The following KMT2D variants were observed in gnomAD, a reference collection of about 807,000 sequenced individuals.
The protein encoded by KMT2D is histone-lysine N-methyltransferase 2D.
KMT2D carries 55 observed loss-of-function variants against 512.7 expected under a neutral mutation model. That is an observed-to-expected ratio of 0.11 (90% CI 0.09 to 0.13). The LOEUF (loss-of-function observed/expected upper bound fraction) is 0.13, where lower values mean the gene tolerates loss of function less well. Among genes scored for constraint, KMT2D ranks in the 10% least tolerant of loss-of-function variants. KMT2D has a pLI of 1.00. For missense variants in KMT2D, 6,061 were observed against 7,127.9 expected, an observed-to-expected ratio of 0.85 and a Z score of 5.39; for synonymous variants, 2,995 against 2,904.0, an observed-to-expected ratio of 1.03 and a Z score of -1.01.
At position 49,049,213 on chromosome 12, in the gene KMT2D, G is replaced by A. The variant is rs2120632367; in HGVS notation, c.3912C>T (p.Arg1304=). Residue 1304 remains arginine, a synonymous_variant, in exon 13 of 55, where the codon CGC becomes CGT. Transcript: ENST00000301067. ...GGCGTCTTCCTGGGAAACTGCTGCTGCGACCCTGAGTGAAAGAAGGGGACA... is the reference window on the plus strand; with the variant it reads ...GGCGTCTTCCTGGGAAACTGCTGCTACGACCCTGAGTGAAAGAAGGGGACA... ...SPARSRIKQG[R]SSSFPGRRRP... 2 of 1,595,958 alleles carry A rather than the reference G, an allele frequency of 1.3e-6. No homozygotes were observed. Among genetic ancestry groups the A allele is most frequent in the Non-Finnish European group, 8.6e-7 (1 of 1,169,166 alleles).
chr12:49,019,127 G>A lies in KMT2D; in HGVS notation c.*2653C>T. On this transcript the variant is annotated 3_prime_UTR_variant, in exon 55 of 55. Transcript: ENST00000301067. ...CATGCCAAGGACAGGGGCGCTGAGG[G>A]TGGAGGGAGAGAGGGCGCTTTAAAA... The A allele has an allele frequency of 3.5e-6, 4 of 1,149,938 alleles. No individual in the cohort carries two copies. The highest frequency in any genetic ancestry group is 4.3e-6 in the Non-Finnish European group (4 of 931,144). The allele number at this position is 1,149,938 out of a possible 1,614,324, so 71.2% of individuals were successfully genotyped here.
At position 49,022,374 on chromosome 12, in the gene KMT2D, G is replaced by A. The variant is rs1004035137; in HGVS notation, c.16339-21C>T. On this transcript the variant is annotated intron_variant, in intron 52 of 54. Transcript: ENST00000301067. This position sits in a 1 kb window ranked among gnomAD's most constrained non-coding sequence, Gnocchi z 8.6. Reference sequence around the variant, plus strand: ...CGATTCTAGAAAGGCAGAGGTTGCAGAAGAAGGGACAAGAGTATCAGAGAG... The same window carrying A: ...CGATTCTAGAAAGGCAGAGGTTGCAAAAGAAGGGACAAGAGTATCAGAGAG... 6.3e-7 allele frequency: 1 copy of A among 1,596,510 alleles called. No homozygotes were observed. The highest frequency in any genetic ancestry group is 8.5e-7 in the Non-Finnish European group (1 of 1,171,008).
At chr12:49,048,160 G>T in intron 14 of KMT2D, 91 bp from the exon 15 acceptor site, 2 of 855,480 alleles carry the variant, frequency 2.3e-6, no homozygotes, top group South Asian at 1.7e-5. Context: ...ACTGATTTGC[G>T]ACCAGAGTCA....
rs2120504144 is a variant in KMT2D, at chr12:49,038,796, A to G, written c.8560T>C (p.Leu2854=). ...GGCAGACGGGTGGAAATTCCCGCCA[A>G]CGGGGAACCTAGGGCTTGGCGGCCA... is the stretch of plus-strand genomic sequence containing the variant. ...ELGRQALGSP[L]AGISTRLPGP... The change falls in exon 35 of 55, where the codon TTG becomes CTG. Residue 2854 remains leucine, a synonymous_variant. Coordinates refer to ENST00000301067, the MANE Select transcript of KMT2D (RefSeq NM_003482.4). The surrounding 1 kb of genome is among the most constrained non-coding windows in gnomAD (Gnocchi z 5.7). 2 of 1,586,046 alleles carry G rather than the reference A, an allele frequency of 1.3e-6. No individual in the cohort carries two copies. The highest frequency in any genetic ancestry group is 1.7e-6 in the Non-Finnish European group (2 of 1,165,956).
In KMT2D at chr12:49,059,792, A is replaced by C. The variant is rs1938629471; in HGVS notation, c.-217T>G. 6.6e-6 allele frequency: 1 copy of C among 152,248 alleles called. No individual in the cohort carries two copies. Among genetic ancestry groups the C allele is most frequent in the Admixed American group, 6.5e-5 (1 of 15,270 alleles). 9.4% of individuals were successfully genotyped at this position (152,248 alleles called of 1,614,324 possible). A position where few individuals can be genotyped will look rare whatever the true frequency, so the allele number is the denominator to read the frequency against. On this transcript the variant is annotated 5_prime_UTR_variant, in exon 1 of 55. Coordinates refer to ENST00000301067, the MANE Select transcript of KMT2D (RefSeq NM_003482.4). ...CTCCCCCCACAAAAAAACAGCAAGAAGCCAAAGAGGGGTTCTCTGCCTCAG... is the reference window on the plus strand; with the variant it reads ...CTCCCCCCACAAAAAAACAGCAAGACGCCAAAGAGGGGTTCTCTGCCTCAG...
rs2120672000 is a variant in KMT2D at position 49,051,559 on chromosome 12, G to A, written c.2124C>T (p.Ser708=). 2 of 1,609,384 alleles carry A rather than the reference G, an allele frequency of 1.2e-6. No individual in the cohort carries two copies. The highest frequency in any genetic ancestry group is 1.7e-6 in the Non-Finnish European group (2 of 1,176,932). The part of the protein sequence containing the change: ...TSPPPEDSPA[S]PPPEDSLMSL... ...ACATGAGCGAGTCCTCCGGTGGTGG[G>A]GAAGCAGGTGAGTCCTCAGGTGGTG... The change falls in exon 11 of 55, where the codon TCC becomes TCT. Residue 708 remains serine, a synonymous_variant. Coordinates refer to ENST00000301067, the MANE Select transcript of KMT2D (RefSeq NM_003482.4).
rs992026258 is a variant in KMT2D, at chr12:49,060,349, G to A, written c.-774C>T. Reference sequence around the variant, plus strand: ...GCCCTCTGCCCGCTCCCCTCCGGCCGCTCCAGGCCCTGCGCTCGCCTCCCT... The same window carrying A: ...GCCCTCTGCCCGCTCCCCTCCGGCCACTCCAGGCCCTGCGCTCGCCTCCCT... On this transcript the variant is annotated 5_prime_UTR_variant, in exon 1 of 55. Coordinates refer to ENST00000301067, the MANE Select transcript of KMT2D (RefSeq NM_003482.4). Among the ~76,000 whole-genome samples, 3 of 151,770 alleles carry A rather than the reference G, an allele frequency of 2.0e-5. No homozygotes were observed. The highest frequency in any genetic ancestry group is 4.4e-5 in the Non-Finnish European group (3 of 67,900).
rs1942203124 is a variant in KMT2D, at chr12:49,019,594, C to T, written c.*2186G>A. On this transcript the variant is annotated 3_prime_UTR_variant, in exon 55 of 55. Coordinates refer to ENST00000301067, the MANE Select transcript of KMT2D (RefSeq NM_003482.4). The stretch of plus-strand genomic sequence containing the variant: ...CCAATCCCAGGGCCCAAGCCCCAAA[C>T]ACAGCCTGACTCACGGGAGCCAATC... 4.4e-6 allele frequency: 1 copy of T among 229,042 alleles called. No homozygotes were observed. Among genetic ancestry groups the T allele is most frequent in the Admixed American group, 5.7e-5 (1 of 17,618 alleles). 14.2% of individuals were successfully genotyped at this position (229,042 alleles called of 1,614,324 possible). A position where few individuals can be genotyped will look rare whatever the true frequency, so the allele number is the denominator to read the frequency against.
Position 49,019,182 on chromosome 12 carries a change from G to A in KMT2D, c.*2598C>T, listed in dbSNP as rs2137697321. ...GAACCATTTCATCCGTTGTTACGAA[G>A]GACCAACCTTGCTGTACAGGATACA... On this transcript the variant is annotated 3_prime_UTR_variant, in exon 55 of 55. Coordinates refer to ENST00000301067, the MANE Select transcript of KMT2D (RefSeq NM_003482.4). The A allele has an allele frequency of 1.8e-6, 2 of 1,105,242 alleles. No homozygotes were observed. Among genetic ancestry groups the A allele is most frequent in the African/African-American group, 1.6e-5 (1 of 61,638 alleles). 68.5% of individuals were successfully genotyped at this position (1,105,242 alleles called of 1,614,324 possible).
rs778813102 is a variant in KMT2D, at chr12:49,040,574, G to A, written c.7196C>T (p.Pro2399Leu). ...AGGGTCGGAGGGCAGTGAGCGAGGG[G>A]GCAGAGCACAGCAGCTCTCAGGGGG... is the stretch of plus-strand genomic sequence containing the variant. The part of the protein sequence containing the change: ...PPPPESCCAL[P>L]PRSLPSDPFS... The change falls in exon 32 of 55, where the codon CCC becomes CTC. Residue 2399 changes from proline (P) to leucine (L), a missense_variant. Transcript: ENST00000301067. 4 of 1,613,262 alleles carry A rather than the reference G, an allele frequency of 2.5e-6. No homozygotes were observed. Among genetic ancestry groups the A allele is most frequent in the African/African-American group, 1.3e-5 (1 of 74,870 alleles).
Position 49,028,064 on chromosome 12 carries a change from T to C in KMT2D, c.14460A>G (p.Pro4820=). Residue 4820 remains proline (P), a synonymous_variant, in exon 47 of 55, where the codon CCA becomes CCG. Coordinates refer to ENST00000301067, the MANE Select transcript of KMT2D (RefSeq NM_003482.4). ...KIPNSYEVLF[P]ESPARAGTEP... The stretch of plus-strand genomic sequence containing the variant: ...CAGTGCCTGCCCGGGCGGGGCTCTC[T>C]GGGAACAGCACCTCATAGGAGTTGG... 2 of 1,613,990 alleles carry C rather than the reference T, an allele frequency of 1.2e-6. No homozygotes were observed. Among genetic ancestry groups the C allele is most frequent in the Non-Finnish European group, 1.7e-6 (2 of 1,179,876 alleles).
chr12:49,058,996 CA>C (rs113504432), intron 1 of KMT2D, among the ~76,000 whole-genome samples: 3,236 of 152,278 alleles, frequency 0.021, 105 homozygotes, highest in African/African-American at 0.072. Flanking sequence ...AGTTGAACAG[CA>C]GGGCCAGAAC....
Position 49,040,782 on chromosome 12 carries a change from G to A in KMT2D, c.6988C>T (p.Pro2330Ser), listed in dbSNP as rs1436617456. The stretch of plus-strand genomic sequence containing the variant: ...ACCTGAGATGCCCGAGGGGTCAGGG[G>A]GGCTTTGAAGACATCAGGTGTCTTT... ...ELKTPDVFKA[P>S]LTPRASQVEP... The change falls in exon 32 of 55, where the codon CCC becomes TCC. Residue 2330 changes from proline to serine, a missense_variant. Coordinates refer to ENST00000301067, the MANE Select transcript of KMT2D (RefSeq NM_003482.4). The A allele has an allele frequency of 8.7e-6, 14 of 1,613,524 alleles. No homozygotes were observed. Among genetic ancestry groups the A allele is most frequent in the African/African-American group, 1.3e-5 (1 of 74,880 alleles).
In KMT2D at chr12:49,033,606, A is replaced by G; in HGVS notation, c.11099T>C (p.Phe3700Ser). 6.2e-7 allele frequency: 1 copy of G among 1,613,548 alleles called. No homozygotes were observed. Among genetic ancestry groups the G allele is most frequent in the Non-Finnish European group, 8.5e-7 (1 of 1,179,842 alleles). Reference protein sequence around the residue: ...GSLAGPSGGFFPGNLALRSLG... With the variant: ...GSLAGPSGGFSPGNLALRSLG... The stretch of plus-strand genomic sequence containing the variant: ...GCTTCGAAGAGCAAGGTTGCCAGGG[A>G]AGAAGCCCCCTGAAGGGCCAGCCAG... Residue 3700 changes from phenylalanine (F) to serine (S), a missense_variant, in exon 40 of 55, where the codon TTC (phenylalanine) becomes TCC (serine). By Grantham distance (155) the Phe-to-Ser change is radical. Around this residue, in one of 16 missense-constraint regions of KMT2D, gnomAD observed 1,600 missense variants for 1,754.9 expected, o/e 0.91. Coordinates refer to ENST00000301067, the MANE Select transcript of KMT2D (RefSeq NM_003482.4).
At position 49,051,403 on chromosome 12, in the gene KMT2D, G is replaced by A. The variant is rs746264376; in HGVS notation, c.2280C>T (p.His760=). Residue 760 remains histidine, a synonymous_variant, in exon 11 of 55, where the codon CAC becomes CAT. Transcript: ENST00000301067. The part of the protein sequence containing the change: ...PHLSPRPEEP[H]LSPQAEEPHL... ...GTGGCTCCTCAGCCTGCGGAGATAGGTGTGGCTCCTCAGGCCGGGGGGACA... is the reference window on the plus strand; with the variant it reads ...GTGGCTCCTCAGCCTGCGGAGATAGATGTGGCTCCTCAGGCCGGGGGGACA... 26 of 1,608,582 alleles carry A rather than the reference G, an allele frequency of 1.6e-5. No individual in the cohort carries two copies. Among genetic ancestry groups the A allele is most frequent in the Non-Finnish European group, 2.0e-5 (24 of 1,177,916 alleles).
chr12:49,028,149 G>T lies in KMT2D; in HGVS notation c.14383-8C>A, dbSNP rs772023281. On this transcript the variant is annotated splice_polypyrimidine_tract_variant and splice_region_variant and intron_variant, in intron 46 of 54. Coordinates refer to ENST00000301067, the MANE Select transcript of KMT2D (RefSeq NM_003482.4). ...CATCACGCCATTCAGGTTCTGCCAG[G>T]GCCAGGGAAGGGATGGAAGAAACAT... is the stretch of plus-strand genomic sequence containing the variant. 1 of 1,613,708 alleles carries T rather than the reference G, an allele frequency of 6.2e-7. No homozygotes were observed. Among genetic ancestry groups the T allele is most frequent in the Non-Finnish European group, 8.5e-7 (1 of 1,179,852 alleles).
Position 49,052,678 on chromosome 12 carries a change from T to C in KMT2D, c.1144A>G (p.Thr382Ala). Residue 382 changes from threonine to alanine, a missense_variant, in exon 10 of 55, where the codon ACT becomes GCT. By Grantham distance (58) the Thr-to-Ala change is moderately conservative. This residue lies in a region of KMT2D where 848 missense variants were observed against 838.5 expected (regional missense o/e 1.01). Coordinates refer to ENST00000301067, the MANE Select transcript of KMT2D (RefSeq NM_003482.4). ...ACGTACAGAGCATCGGGCTCGTCAG[T>C]GGGGGTATCGCCAGGCTCTGGGGGT... ...FSPPEPGDTPTDEPDALYVAC... is the reference protein window; with the variant it reads ...FSPPEPGDTPADEPDALYVAC... 1 of 1,613,452 alleles carries C rather than the reference T, an allele frequency of 6.2e-7. No individual in the cohort carries two copies. The highest frequency in any genetic ancestry group is 8.5e-7 in the Non-Finnish European group (1 of 1,179,702).
chr12:49,049,938 C>A lies in KMT2D; in HGVS notation c.3650G>T (p.Ser1217Ile). The change falls in exon 12 of 55, where the codon AGT becomes ATT. Residue 1217 changes from serine (S) to isoleucine (I), a missense_variant. Coordinates refer to ENST00000301067, the MANE Select transcript of KMT2D (RefSeq NM_003482.4). ...EISNLSQGDASASFPGSEPLL... is the reference protein window; with the variant it reads ...EISNLSQGDAIASFPGSEPLL... ...GGGCTCTGAGCCAGGAAAACTGGCA[C>A]TGGCATCACCCTGGCTCAGATTAGA... 3 of 1,613,986 alleles carry A rather than the reference C, an allele frequency of 1.9e-6. No individual in the cohort carries two copies. The highest frequency in any genetic ancestry group is 2.5e-6 in the Non-Finnish European group (3 of 1,179,898).
intron 24 of KMT2D, 40 bp downstream of exon 24, chr12:49,043,595 A>G (rs2120570621): frequency 6.2e-7 from 1 of 1,610,662 alleles, no homozygotes; most frequent in East Asian, 2.2e-5. Context: ...GCCAGAAGAA[A>G]GTTGGATTCT....
Sources: allele counts gnomAD v4.1 joint callset (sites outside exome capture counted in the v4.1 genomes callset), GRCh38; gene constraint gnomAD v4.1.1; regional missense constraint gnomAD v4.1.1; non-coding constraint Gnocchi (gnomAD v3.1); transcripts MANE v1.5; gene names NCBI Gene and HGNC (gene_info 2026-07-23, HGNC 2026-07-21).